Variants in SI observed in about 807,000 individuals in gnomAD.
SI encodes the protein sucrase-isomaltase, intestinal.
Under a neutral mutation model 253.3 loss-of-function variants are expected in SI, and 235 were observed. The observed-to-expected ratio is 0.93, with a 90% CI of 0.83 to 1.03. The LOEUF (loss-of-function observed/expected upper bound fraction) is 1.03, where lower values mean the gene tolerates loss of function less well. Among genes scored for constraint, SI ranks in the 50% least tolerant of loss-of-function variants. SI has a pLI of 0.00. For synonymous variants in SI, 819 were observed against 712.0 expected, an observed-to-expected ratio of 1.15 and a Z score of -2.39; for missense variants, 2,442 against 2,211.1, an observed-to-expected ratio of 1.10 and a Z score of -2.09.
At chr3:165,085,169 A>T in the SI span, among the ~76,000 whole-genome samples, 7 of 152,148 alleles carry the variant, frequency 4.6e-5, no homozygotes, top group African/African-American at 1.4e-4. Context: ...TTTAACAATG[A>T]TAGTAACTTA....
At position 165,023,637 on chromosome 3, in the gene SI, G is replaced by A; in HGVS notation, c.3032C>T (p.Pro1011Leu). ...LNTANARIKL[P>L]SDPISTLRVE... ...ACGAAGAGTTGAGATGGGGTCAGAA[G>A]GTAACTTTATTCTGGCATTTGCAGT... Residue 1011 changes from proline to leucine, a missense_variant, in exon 26 of 48, where the codon CCT (proline) becomes CTT (leucine). Physicochemically the swap from Pro to Leu is moderately conservative, Grantham distance 98 (BLOSUM62 -3). Coordinates refer to ENST00000264382, the MANE Select transcript of SI (RefSeq NM_001041.4). The A allele has an allele frequency of 1.2e-6, 2 of 1,610,894 alleles. No homozygotes were observed. The highest frequency in any genetic ancestry group is 1.7e-6 in the Non-Finnish European group (2 of 1,177,962).
At chr3:165,089,083 T>C in the SI span, among the ~76,000 whole-genome samples, 1 of 71,974 alleles carries the variant, frequency 1.4e-5, no homozygotes, top group Non-Finnish European at 3.1e-5. Flanking sequence ...CTTTTTTCTT[T>C]TTTCTTTTTT....
intron 19 of SI, among the ~76,000 whole-genome samples, chr3:165,039,601 T>C (rs1712711071): frequency 6.6e-6 from 1 of 152,094 alleles, no homozygotes; most frequent in Non-Finnish European, 1.5e-5. Flanking sequence ...AACTCTTTGT[T>C]ATTATGAATT....
At position 164,996,519 on chromosome 3, in the gene SI, T is replaced by A. The variant is rs755033393; in HGVS notation, c.4692+16A>T. 1 of 1,250,944 alleles carries A rather than the reference T, an allele frequency of 8.0e-7. No homozygotes were observed. The highest frequency in any genetic ancestry group is 1.2e-6 in the Non-Finnish European group (1 of 849,578). The allele number at this position is 1,250,944 out of a possible 1,614,324, so 77.5% of individuals were successfully genotyped here. The stretch of plus-strand genomic sequence containing the variant: ...CAAGTAAGAAAATACTGAAAGTAAA[T>A]GTAGTAATTACATACTCTAGTATTT... On this transcript the variant is annotated intron_variant, in intron 40 of 47. Transcript: ENST00000264382.
intron 12 of SI, among the ~76,000 whole-genome samples, chr3:165,056,146 T>C (rs1486460400): frequency 1.3e-5 from 2 of 152,186 alleles, no homozygotes; most frequent in Non-Finnish European, 2.9e-5. Context: ...TATCCAAACA[T>C]TTCAAATCGG....
chr3:164,985,015 A>T (rs1717369766), intron 45 of SI, among the ~76,000 whole-genome samples: 1 of 152,290 alleles, frequency 6.6e-6, no homozygotes, highest in East Asian at 1.9e-4. Flanking sequence ...GAAACATAAC[A>T]AAATAAGTAG....
chr3:164,992,427 T>A, intron 41 of SI, 30 bp from the exon 42 acceptor site: 1 of 1,395,376 alleles, frequency 7.2e-7, no homozygotes. Context: ...ATAATTAAAT[T>A]AAAACAAATA....
At chr3:165,003,418 G>A (rs563889025) in intron 37 of SI, among the ~76,000 whole-genome samples, 1 of 152,038 alleles carries the variant, frequency 6.6e-6, no homozygotes, top group South Asian at 2.1e-4. Context: ...TTAATCAAAA[G>A]TAACATTTGC....
At chr3:165,078,878 T>A (rs1233401281), upstream of SI, among the ~76,000 whole-genome samples, 1 of 151,354 alleles carries the variant, frequency 6.6e-6, no homozygotes, top group Non-Finnish European at 1.5e-5. Context: ...CTGTGAAAAA[T>A]TTTCAGGATA....
chr3:165,017,908 T>C lies in SI; in HGVS notation c.3521-35A>G, dbSNP rs537885666. ...CAAAATAACATCCCATTTTCATCTA[T>C]GTATACTAGTTTATGAAAAAGTCAC... On this transcript the variant is annotated intron_variant, in intron 29 of 47. Coordinates refer to ENST00000264382, the MANE Select transcript of SI (RefSeq NM_001041.4). 20 of 1,577,292 alleles carry C rather than the reference T, an allele frequency of 1.3e-5. No homozygotes were observed. In the South Asian group the frequency reaches 1.4e-4, roughly 11 times the overall value.
intron 32 of SI, among the ~76,000 whole-genome samples, chr3:165,015,687 A>G (rs1181565123): frequency 1.3e-5 from 2 of 152,092 alleles, no homozygotes; most frequent in Non-Finnish European, 2.9e-5. Context: ...ATAGAGGCCA[A>G]TTTGTAGCTT....
Position 165,030,705 on chromosome 3 carries a change from T to C in SI, c.2892+7A>G, listed in dbSNP as rs371938164. ...ATATCATGAGTAATAGTTAAAATTA[T>C]TATTACCGTTCTCCATACACAGCCA... On this transcript the variant is annotated splice_region_variant and intron_variant, in intron 25 of 47. Coordinates refer to ENST00000264382, the MANE Select transcript of SI (RefSeq NM_001041.4). The C allele has an allele frequency of 3.7e-6, 6 of 1,606,848 alleles. No homozygotes were observed. The African/African-American group carries it at 6.7e-5, about 18-fold the overall frequency.
chr3:164,987,159 A>T lies in SI; in HGVS notation c.5176T>A (p.Trp1726Arg). 15 of 1,613,504 alleles carry T rather than the reference A, an allele frequency of 9.3e-6. No individual in the cohort carries two copies. The highest frequency in any genetic ancestry group is 1.3e-5 in the Non-Finnish European group (15 of 1,179,568). Residue 1726 changes from tryptophan to arginine, a missense_variant, in exon 45 of 48, where the codon TGG becomes AGG. Physicochemically the swap from Trp to Arg is moderately radical, Grantham distance 101. Transcript: ENST00000264382. ...TCACCTATACTCTCTCCATCATCCC[A>T]AAACAGAGAACCCTGTGCCATCTGA... is the stretch of plus-strand genomic sequence containing the variant. ...DNQMAQGSLF[W>R]DDGESIDTYE...
intron 35 of SI, among the ~76,000 whole-genome samples, chr3:165,008,233 T>C (rs112250569): frequency 6.6e-5 from 10 of 152,002 alleles, no homozygotes. Context: ...TATTATGCAT[T>C]ATACCCATAA....
intron 35 of SI, 38 bp from the exon 36 acceptor site, chr3:165,008,036 A>G (rs1576881711): frequency 9.1e-7 from 1 of 1,098,496 alleles, no homozygotes; most frequent in East Asian, 2.4e-5. Flanking sequence ...AACAAAAGAT[A>G]AATTTACAAC....
At chr3:165,086,341 C>A in the SI span, among the ~76,000 whole-genome samples, 1 of 152,048 alleles carries the variant, frequency 6.6e-6, no homozygotes, top group African/African-American at 2.4e-5. Flanking sequence ...TCACTCTTAC[C>A]CAACAAAAGA....
chr3:165,062,117 A>G (rs1376212980), intron 9 of SI, among the ~76,000 whole-genome samples: 2 of 151,964 alleles, frequency 1.3e-5, no homozygotes, highest in South Asian at 2.1e-4. Flanking sequence ...ATCTCAATGA[A>G]TTCCAATTCT....
intron 40 of SI, 21 bp from the exon 41 acceptor site, chr3:164,994,426 A>G: frequency 6.2e-7 from 1 of 1,608,488 alleles, no homozygotes; most frequent in Admixed American, 1.7e-5. Context: ...GCAAAATAAC[A>G]TAGTTATAAG....
intron 21 of SI, among the ~76,000 whole-genome samples, chr3:165,037,068 A>G (rs1473279402): frequency 2.0e-5 from 3 of 151,816 alleles, no homozygotes; most frequent in African/African-American, 7.2e-5. Flanking sequence ...GCTGTTGATC[A>G]TTACAGCTCT....
Sources: gnomAD v4.1 joint callset for allele counts (sites outside exome capture counted in the v4.1 genomes callset) on GRCh38, gnomAD v4.1.1 for gene constraint, MANE v1.5 for transcripts, NCBI Gene and HGNC (gene_info 2026-07-23, HGNC 2026-07-21) for gene names.